The following SYN3 variants were observed in gnomAD, a reference collection of about 807,000 sequenced individuals.
The protein encoded by SYN3 is synapsin-3.
A neutral mutation model predicts 65.8 loss-of-function variants in SYN3; 35 were observed. The ratio of observed to expected loss-of-function variants is 0.53; its 90% CI spans 0.41 to 0.70. The LOEUF (loss-of-function observed/expected upper bound fraction) is 0.70. SYN3 is among the 30% of genes least tolerant of loss of function. SYN3 has a pLI of 0.00. For missense variants in SYN3, 680 were observed against 749.0 expected (o/e 0.91, Z 1.08); for synonymous variants, 270 against 292.9 (o/e 0.92, Z 0.80).
At chr22:32,653,484 A>G (rs2146962686) in intron 6 of SYN3, among the ~76,000 whole-genome samples, 1 of 152,362 alleles carries the variant, frequency 6.6e-6, no homozygotes, top group Admixed American at 6.5e-5. Context: ...AAACAAGGTA[A>G]GAAAAAAATG....
At chr22:32,640,691 C>A (rs1334607394) in intron 6 of SYN3, among the ~76,000 whole-genome samples, 1 of 152,054 alleles carries the variant, frequency 6.6e-6, no homozygotes, top group Non-Finnish European at 1.5e-5. Context: ...ATGGTGAAAC[C>A]CCATCTCTAC....
intron 6 of SYN3, among the ~76,000 whole-genome samples, chr22:32,634,565 C>T (rs2146837650): frequency 6.6e-6 from 1 of 152,330 alleles, no homozygotes; most frequent in South Asian, 2.1e-4. Context: ...AGCTCGGCAC[C>T]ACCTCCAGAA....
intron 6 of SYN3, among the ~76,000 whole-genome samples, chr22:32,714,207 A>G (rs2061005646): frequency 6.6e-6 from 1 of 152,222 alleles, no homozygotes; most frequent in Non-Finnish European, 1.5e-5. Context: ...TGAGATCTGA[A>G]GGCCCCTCAT....
intron 7 of SYN3, among the ~76,000 whole-genome samples, chr22:32,558,781 G>T (rs920543164): frequency 6.6e-6 from 1 of 152,216 alleles, no homozygotes; most frequent in Non-Finnish European, 1.5e-5. Flanking sequence ...CAACCCAAGG[G>T]CCCCTTAGCC....
chr22:32,743,479 A>G (rs2044835209), intron 6 of SYN3, among the ~76,000 whole-genome samples: 1 of 152,168 alleles, frequency 6.6e-6, no homozygotes, highest in South Asian at 2.1e-4. Context: ...GGGAGGGAGC[A>G]TTAGGGAGAG....
At chr22:32,733,077 C>T (rs544135850) in intron 6 of SYN3, among the ~76,000 whole-genome samples, 1 of 152,168 alleles carries the variant, frequency 6.6e-6, no homozygotes, top group African/African-American at 2.4e-5. Flanking sequence ...AAGTCTGCCC[C>T]TGGAGCACTT....
chr22:32,841,524 G>C (rs2047901443), intron 6 of SYN3, among the ~76,000 whole-genome samples: 1 of 152,146 alleles, frequency 6.6e-6, no homozygotes, highest in South Asian at 2.1e-4. Flanking sequence ...GAGAGCCCCG[G>C]GTGCAGGGAA....
intron 7 of SYN3, among the ~76,000 whole-genome samples, chr22:32,596,411 C>T (rs933929186): frequency 1.3e-5 from 2 of 152,216 alleles, no homozygotes; most frequent in African/African-American, 4.8e-5. Context: ...TCTTTCTCTT[C>T]AGTCGCAATC....
intron 6 of SYN3, among the ~76,000 whole-genome samples, chr22:32,702,001 C>T (rs2060816302): frequency 6.6e-6 from 1 of 152,168 alleles, no homozygotes; most frequent in East Asian, 1.9e-4. Context: ...TCTTGATTTT[C>T]TTTCAGGAAT....
intron 6 of SYN3, among the ~76,000 whole-genome samples, chr22:32,791,224 G>A (rs2046317408): frequency 6.6e-6 from 1 of 152,182 alleles, no homozygotes; most frequent in Non-Finnish European, 1.5e-5. Context: ...CTCAGTAAAT[G>A]TTAGTTACTT....
intron 3 of SYN3, among the ~76,000 whole-genome samples, chr22:32,971,938 G>C (rs2052033897): frequency 6.6e-6 from 1 of 152,150 alleles, no homozygotes; most frequent in Non-Finnish European, 1.5e-5. Context: ...TCTGAAGCCG[G>C]ACAGCCCTTC....
chr22:32,572,505 TC>T (rs2058791975), intron 7 of SYN3, among the ~76,000 whole-genome samples: 1 of 35,722 alleles, frequency 2.8e-5, no homozygotes, highest in Admixed American at 3.4e-4. Context: ...CCTTCCTTCC[TC>T]CCTCCCTTTC....
At chr22:32,966,042 T>C (rs939742755) in intron 3 of SYN3, among the ~76,000 whole-genome samples, 1 of 152,112 alleles carries the variant, frequency 6.6e-6, no homozygotes, top group South Asian at 2.1e-4. Flanking sequence ...ACGCAGCACA[T>C]AGGCAGTCAA....
intron 7 of SYN3, among the ~76,000 whole-genome samples, chr22:32,560,614 T>G (rs114291458): frequency 0.021 from 3,226 of 151,386 alleles, 100 homozygotes; most frequent in African/African-American, 0.074. Flanking sequence ...TGCAGCGGAG[T>G]GGAGGGAGGG....
At chr22:32,783,619 G>A (rs1010381139) in intron 6 of SYN3, among the ~76,000 whole-genome samples, 11 of 152,110 alleles carry the variant, frequency 7.2e-5, no homozygotes, top group African/African-American at 2.4e-4. Flanking sequence ...TCCCCTGTGC[G>A]CCGTCTCTGA....
chr22:32,772,317 C>A (rs993333982), intron 6 of SYN3, among the ~76,000 whole-genome samples: 1 of 148,400 alleles, frequency 6.7e-6, no homozygotes, highest in African/African-American at 2.5e-5. Flanking sequence ...ATCAAGGCAG[C>A]CCTAGGGAGT....
intron 10 of SYN3, among the ~76,000 whole-genome samples, chr22:32,531,345 G>A (rs1158514080): frequency 1.3e-5 from 2 of 151,750 alleles, no homozygotes; most frequent in Non-Finnish European, 2.9e-5. Context: ...GCTGCACCCT[G>A]CCTGTCCTCT....
Position 32,527,915 on chromosome 22 carries a change from T to C in SYN3, c.1318+3A>G. On this transcript the variant is annotated splice_donor_region_variant and intron_variant, in intron 12 of 13. Coordinates refer to ENST00000358763, the MANE Select transcript of SYN3 (RefSeq NM_003490.4). ...TCTTGCAGTGGCTCGTCCTGGGTCA[T>C]ACCTTGCGGAGGTGGGCGTGGCTGG... is the stretch of plus-strand genomic sequence containing the variant. The C allele has an allele frequency of 6.3e-7, 1 of 1,585,772 alleles. No homozygotes were observed. The highest frequency in any genetic ancestry group is 8.6e-7 in the Non-Finnish European group (1 of 1,164,766).
At position 32,880,420 on chromosome 22, in the gene SYN3, C is replaced by T. The variant is rs188927182; in HGVS notation, c.462-11295G>A. Among the ~76,000 whole-genome samples the T allele has an allele frequency of 6.6e-5, 10 of 152,288 alleles. No individual in the cohort carries two copies. In the East Asian group the frequency reaches 1.7e-3, roughly 26 times the overall value. On this transcript the variant is annotated intron_variant, in intron 4 of 13. Coordinates refer to ENST00000358763, the MANE Select transcript of SYN3 (RefSeq NM_003490.4). ...TGTCTTAGAGAAGCTCTGGCCTTGGCCTGGTCTACAGGGGGGCTCTGGGGC... is the reference window on the plus strand; with the variant it reads ...TGTCTTAGAGAAGCTCTGGCCTTGGTCTGGTCTACAGGGGGGCTCTGGGGC...
Sources: gnomAD v4.1 joint callset for allele counts (sites outside exome capture counted in the v4.1 genomes callset) on GRCh38, gnomAD v4.1.1 for gene constraint, MANE v1.5 for transcripts, NCBI Gene and HGNC (gene_info 2026-07-23, HGNC 2026-07-21) for gene names.